Variants in SYNGR1 observed in about 807,000 individuals in gnomAD.
The protein encoded by SYNGR1 is synaptogyrin 1.
SYNGR1 carries 14 observed loss-of-function variants against 26.1 expected under a neutral mutation model. That is an observed-to-expected ratio of 0.54 (90% CI 0.35 to 0.84). The LOEUF (loss-of-function observed/expected upper bound fraction) is 0.84. Ranked by LOEUF, SYNGR1 falls within the 40% of genes least tolerant of loss-of-function variation. The pLI is 0.01. For missense variants in SYNGR1, 319 were observed against 332.9 expected (o/e 0.96, Z 0.33); for synonymous variants, 141 against 150.1 (o/e 0.94, Z 0.44).
intron 1 of SYNGR1, among the ~76,000 whole-genome samples, chr22:39,366,569 C>T (rs1178686012): frequency 6.6e-6 from 1 of 152,072 alleles, no homozygotes; most frequent in Non-Finnish European, 1.5e-5. Context: ...TCACTTGAAC[C>T]CGGGAGGCGG....
intron 1 of SYNGR1, among the ~76,000 whole-genome samples, chr22:39,351,880 G>A (rs775948128): frequency 2.0e-5 from 3 of 152,238 alleles, no homozygotes; most frequent in Admixed American, 6.5e-5. Context: ...CATGGTGAAG[G>A]TGATGTCAGA....
chr22:39,374,331 G>T lies in SYNGR1; in HGVS notation c.115G>T (p.Val39Leu). The change falls in exon 2 of 4, where the codon GTG (valine) becomes TTG (leucine). Residue 39 changes from valine to leucine, a missense_variant. By Grantham distance (32) the Val-to-Leu change is conservative (BLOSUM62 1). Transcript: ENST00000328933. Reference protein sequence around the residue: ...RVVSWLFSIVVFGSIVNEGYL... With the variant: ...RVVSWLFSIVLFGSIVNEGYL... ...CCCCCGACAGCTGTTCTCCATAGTG[G>T]TGTTCGGCTCCATCGTGAACGAGGG... 6.2e-7 allele frequency: 1 copy of T among 1,613,946 alleles called. No homozygotes were observed. Among genetic ancestry groups the T allele is most frequent in the Non-Finnish European group, 8.5e-7 (1 of 1,180,016 alleles).
intron 1 of SYNGR1, among the ~76,000 whole-genome samples, chr22:39,355,129 G>A (rs2145605774): frequency 6.6e-6 from 1 of 152,334 alleles, no homozygotes; most frequent in East Asian, 1.9e-4. Flanking sequence ...GGGAAGCACT[G>A]TCCCAGAGGC....
chr22:39,371,372 A>G (rs145567594), intron 1 of SYNGR1, among the ~76,000 whole-genome samples: 5,495 of 151,638 alleles, frequency 0.036, 332 homozygotes, highest in African/African-American at 0.13. Context: ...GCTACTCGGG[A>G]GGCTGAGGCA....
At chr22:39,355,137 G>A (rs754872086) in intron 1 of SYNGR1, among the ~76,000 whole-genome samples, 1 of 152,232 alleles carries the variant, frequency 6.6e-6, no homozygotes, top group Non-Finnish European at 1.5e-5. Flanking sequence ...CTGTCCCAGA[G>A]GCTCGGGTCA....
Position 39,384,746 on chromosome 22 carries a change from C to T in SYNGR1, c.*2832C>T. On this transcript the variant is annotated 3_prime_UTR_variant, in exon 4 of 4. Transcript: ENST00000328933. Reference sequence around the variant, plus strand: ...CAGCTGGACCCTGCAGGGTGGCTCCCTCCTCCCCATCAAGCACAAGAGAGG... The same window carrying T: ...CAGCTGGACCCTGCAGGGTGGCTCCTTCCTCCCCATCAAGCACAAGAGAGG... The T allele has an allele frequency of 2.5e-6, 1 of 399,056 alleles. No individual in the cohort carries two copies. Among genetic ancestry groups the T allele is most frequent in the Non-Finnish European group, 4.4e-6 (1 of 226,058 alleles). The allele number at this position is 399,056 out of a possible 1,614,324, so 24.7% of individuals were successfully genotyped here. A position where few individuals can be genotyped will look rare whatever the true frequency, so the allele number is the denominator to read the frequency against.
chr22:39,376,472 C>T (rs565498336), intron 3 of SYNGR1, among the ~76,000 whole-genome samples: 3 of 151,670 alleles, frequency 2.0e-5, no homozygotes, highest in East Asian at 1.9e-4. Context: ...CACCCCCCCC[C>T]CAAACCACTC....
chr22:39,367,128 C>A (rs1215836549), intron 1 of SYNGR1, among the ~76,000 whole-genome samples: 1 of 152,264 alleles, frequency 6.6e-6, no homozygotes, highest in Admixed American at 6.5e-5. Context: ...TGCCCTGCTT[C>A]GTTCTTCATG....
At chr22:39,375,923 G>T (rs777461017) in intron 2 of SYNGR1, 129 bp from the exon 3 acceptor site, 1 of 1,267,320 alleles carries the variant, frequency 7.9e-7, no homozygotes, top group African/African-American at 1.5e-5. Context: ...CTGTCCCTTT[G>T]GGGGTGGGGG....
At chr22:39,375,700 GGGTTTGGCAGAGGCTGCAGAAATGC>G in intron 2 of SYNGR1, 1 of 588,444 alleles carries the variant, frequency 1.7e-6, no homozygotes, top group East Asian at 2.8e-5. Context: ...CTGGACATGG[GGGTTTGGCAGAGGCTGCAGAAATGC>G]GGCCTGAGTT....
intron 1 of SYNGR1, among the ~76,000 whole-genome samples, chr22:39,354,154 G>A (rs527605861): frequency 6.6e-6 from 1 of 152,118 alleles, no homozygotes; most frequent in Non-Finnish European, 1.5e-5. Flanking sequence ...GAGCCACCGT[G>A]CCCAGTCAAT....
chr22:39,374,233 G>T, intron 1 of SYNGR1, 83 bp from the exon 2 acceptor site: 2 of 1,328,574 alleles, frequency 1.5e-6, no homozygotes, highest in South Asian at 1.2e-5. Flanking sequence ...CAGGCAGCAG[G>T]CGAGGGTGGC....
chr22:39,363,082 G>A (rs1291994434), intron 1 of SYNGR1, among the ~76,000 whole-genome samples: 2 of 152,190 alleles, frequency 1.3e-5, no homozygotes, highest in African/African-American at 2.4e-5. Flanking sequence ...GGAGCCAGCT[G>A]AAGGAAGATC....
chr22:39,377,235 T>C, intron 3 of SYNGR1: 1 of 985,382 alleles, frequency 1.0e-6, no homozygotes. Context: ...ATATCCATTT[T>C]TGAGGGGTAC....
At chr22:39,358,963 C>T (rs1458913014) in intron 1 of SYNGR1, among the ~76,000 whole-genome samples, 2 of 152,220 alleles carry the variant, frequency 1.3e-5, no homozygotes, top group African/African-American at 4.8e-5. Context: ...GGGACAGCCC[C>T]AAGCTGTCAA....
At chr22:39,372,584 C>T (rs1465318868) in intron 1 of SYNGR1, among the ~76,000 whole-genome samples, 1 of 151,710 alleles carries the variant, frequency 6.6e-6, no homozygotes, top group Non-Finnish European at 1.5e-5. Context: ...ATTCTCCTGC[C>T]TCAGCCTCCC....
chr22:39,355,720 T>C lies in SYNGR1; in HGVS notation c.99+5611T>C, dbSNP rs535116707. Among the ~76,000 whole-genome samples, 18 of 152,276 alleles carry C rather than the reference T, an allele frequency of 1.2e-4. No individual in the cohort carries two copies. In the South Asian group the frequency reaches 2.9e-3, roughly 25 times the overall value. On this transcript the variant is annotated intron_variant, in intron 1 of 3. Transcript: ENST00000328933. ...GGTTTGGGGAGGCCTCGAGAGTTTA[T>C]AAAAATGCAAATTTTGGCCAGGTGT... is the stretch of plus-strand genomic sequence containing the variant.
intron 1 of SYNGR1, among the ~76,000 whole-genome samples, chr22:39,361,584 T>C (rs1332668450): frequency 6.6e-6 from 1 of 151,444 alleles, no homozygotes; most frequent in East Asian, 1.9e-4. Flanking sequence ...GGTCTCAAAC[T>C]CCTGACCTCA....
At position 39,379,149 on chromosome 22, in the gene SYNGR1, C is replaced by T. The variant is rs368953262; in HGVS notation, c.484-2547C>T. Among the ~76,000 whole-genome samples, 13 of 152,274 alleles carry T rather than the reference C, an allele frequency of 8.5e-5. No individual in the cohort carries two copies. In the East Asian group the frequency reaches 9.7e-4, roughly 11 times the overall value. ...TCACCTCCCCTGCTTCTTCAGGCTC[C>T]GGCGTCTGAGCCCCCAGCAGCCAGG... On this transcript the variant is annotated intron_variant, in intron 3 of 3. Transcript: ENST00000328933.
Sources: allele counts gnomAD v4.1 joint callset (sites outside exome capture counted in the v4.1 genomes callset), GRCh38; gene constraint gnomAD v4.1.1; transcripts MANE v1.5; gene names NCBI Gene and HGNC (gene_info 2026-07-23, HGNC 2026-07-21).